The following DPY19L4 variants were observed in gnomAD, a reference collection of about 807,000 sequenced individuals.
DPY19L4 encodes the protein dpy-19 like 4, also known as probable C-mannosyltransferase DPY19L4.
In DPY19L4, 97 loss-of-function variants were observed where a neutral mutation model predicts 102.8. That is an observed-to-expected ratio of 0.94 (90% CI 0.80 to 1.12). The LOEUF is 1.12. Ranked by LOEUF, DPY19L4 falls within the 50% of genes most tolerant of loss-of-function variation. The probability of loss-of-function intolerance (pLI) is 0.00; values close to 1 mark genes in which losing one functional copy is unlikely to be tolerated. For synonymous variants in DPY19L4, 252 were observed against 283.1 expected, an observed-to-expected ratio of 0.89 and a Z score of 1.10; for missense variants, 815 against 850.4, an observed-to-expected ratio of 0.96 and a Z score of 0.52.
chr8:94,768,547 G>A lies in DPY19L4; in HGVS notation c.1328G>A (p.Arg443Lys), dbSNP rs968024401. The A allele has an allele frequency of 1.4e-6, 2 of 1,478,956 alleles. No homozygotes were observed. Among genetic ancestry groups the A allele is most frequent in the African/African-American group, 2.8e-5 (2 of 70,602 alleles). The allele number at this position is 1,478,956 out of a possible 1,614,324, so 91.6% of individuals were successfully genotyped here. ...TCTATGTTGCAAGTTATTTTTAGGA[G>A]GATTAAGTAAGTACCTATGAGAATC... Reference protein sequence around the residue: ...FLSMLQVIFRRINGKSLKETV... With the variant: ...FLSMLQVIFRKINGKSLKETV... Residue 443 changes from arginine (R) to lysine (K), a missense_variant, in exon 12 of 19, where the codon AGG becomes AAG. Physicochemically the swap from Arg to Lys is conservative, Grantham distance 26 (BLOSUM62 2). Transcript: ENST00000414645.
At chr8:94,746,157 G>T (rs1207391727) in intron 6 of DPY19L4, among the ~76,000 whole-genome samples, 1 of 148,914 alleles carries the variant, frequency 6.7e-6, no homozygotes, top group African/African-American at 2.5e-5. Context: ...CACCTCCTGG[G>T]TTTAAGTGAT....
chr8:94,724,829 C>G (rs984186005), intron 1 of DPY19L4, among the ~76,000 whole-genome samples: 2 of 152,184 alleles, frequency 1.3e-5, no homozygotes, highest in African/African-American at 4.8e-5. Context: ...TTCAGGTGAT[C>G]CACCCACCTT....
chr8:94,735,825 C>T (rs1244578698), intron 3 of DPY19L4, among the ~76,000 whole-genome samples: 1 of 152,176 alleles, frequency 6.6e-6, no homozygotes, highest in Non-Finnish European at 1.5e-5. Context: ...CCAGGTGTTT[C>T]ATATACCCAG....
At chr8:94,745,298 A>G (rs1333062417) in intron 6 of DPY19L4, among the ~76,000 whole-genome samples, 1 of 151,960 alleles carries the variant, frequency 6.6e-6, no homozygotes, top group Admixed American at 6.6e-5. Flanking sequence ...ATGGACTGAC[A>G]GAGTCCAGGT....
chr8:94,779,095 C>G (rs1813313508), intron 14 of DPY19L4, among the ~76,000 whole-genome samples: 1 of 152,012 alleles, frequency 6.6e-6, no homozygotes, highest in African/African-American at 2.4e-5. Context: ...AGACTTCAGT[C>G]ACAGAGGAGG....
chr8:94,782,930 T>C (rs1813495319), intron 16 of DPY19L4, among the ~76,000 whole-genome samples: 1 of 152,254 alleles, frequency 6.6e-6, no homozygotes, highest in African/African-American at 2.4e-5. Flanking sequence ...ACCTATTGAA[T>C]ATTTATGTTA....
chr8:94,726,926 G>A (rs148763565), intron 2 of DPY19L4, among the ~76,000 whole-genome samples: 11 of 152,230 alleles, frequency 7.2e-5, no homozygotes, highest in Non-Finnish European at 1.5e-4. Flanking sequence ...AAATAGTTGT[G>A]AATAATAATA....
chr8:94,775,794 C>T (rs1271089194), intron 13 of DPY19L4, among the ~76,000 whole-genome samples: 2 of 152,092 alleles, frequency 1.3e-5, no homozygotes, highest in Non-Finnish European at 2.9e-5. Flanking sequence ...CAAAAGTTAT[C>T]CCTTGAAATG....
chr8:94,749,467 C>G (rs1255436394), intron 6 of DPY19L4, among the ~76,000 whole-genome samples: 1 of 152,166 alleles, frequency 6.6e-6, no homozygotes, highest in African/African-American at 2.4e-5. Context: ...CATTTATAAC[C>G]TTTACATCCT....
chr8:94,760,368 G>A (rs1330203543), intron 7 of DPY19L4, among the ~76,000 whole-genome samples: 2 of 152,176 alleles, frequency 1.3e-5, no homozygotes, highest in Admixed American at 6.5e-5. Flanking sequence ...TTTGTTCCAC[G>A]TTAGAAGGCT....
intron 5 of DPY19L4, 28 bp from the exon 6 acceptor site, chr8:94,739,617 T>G: frequency 6.2e-7 from 1 of 1,611,836 alleles, no homozygotes; most frequent in Non-Finnish European, 8.5e-7. Flanking sequence ...TCCTATTGTC[T>G]TGTTCTCTTT....
At position 94,765,167 on chromosome 8, in the gene DPY19L4, AT is replaced by A; in HGVS notation, c.871-11del. On this transcript the variant is annotated splice_polypyrimidine_tract_variant and intron_variant, in intron 8 of 18. Coordinates refer to ENST00000414645, the MANE Select transcript of DPY19L4 (RefSeq NM_181787.3). The stretch of plus-strand genomic sequence containing the variant: ...AATATAACTTATTCTCACTTATTTT[AT>A]TTTTGTCACAACAGGTTTATGAAGT... 1 of 1,409,906 alleles carries A rather than the reference AT, an allele frequency of 7.1e-7. No individual in the cohort carries two copies. The highest frequency in any genetic ancestry group is 9.8e-7 in the Non-Finnish European group (1 of 1,023,150). 87.3% of individuals were successfully genotyped at this position (1,409,906 alleles called of 1,614,324 possible). A position where few individuals can be genotyped will look rare whatever the true frequency, so the allele number is the denominator to read the frequency against.
At chr8:94,724,220 C>G (rs1433007063) in intron 1 of DPY19L4, among the ~76,000 whole-genome samples, 4 of 152,162 alleles carry the variant, frequency 2.6e-5, no homozygotes, top group Non-Finnish European at 4.4e-5. Flanking sequence ...TTGACTATCT[C>G]AATAGATTTG....
At chr8:94,786,376 C>T (rs185613874) in intron 17 of DPY19L4, among the ~76,000 whole-genome samples, 1 of 152,104 alleles carries the variant, frequency 6.6e-6, no homozygotes, top group Admixed American at 6.5e-5. Flanking sequence ...CCGCCTACCC[C>T]TGCCTCCCAA....
intron 7 of DPY19L4, among the ~76,000 whole-genome samples, chr8:94,757,900 C>A (rs1317483826): frequency 6.6e-6 from 1 of 152,014 alleles, no homozygotes; most frequent in Non-Finnish European, 1.5e-5. Flanking sequence ...CACCTGAGGT[C>A]AGGAGTTCGA....
chr8:94,747,283 G>A (rs994549275), intron 6 of DPY19L4, among the ~76,000 whole-genome samples: 3 of 151,806 alleles, frequency 2.0e-5, no homozygotes, highest in African/African-American at 7.3e-5. Context: ...GAACTCCTGG[G>A]CTCAAGCGAT....
At chr8:94,734,810 T>C in intron 3 of DPY19L4, 56 bp downstream of exon 3, 1 of 1,607,038 alleles carries the variant, frequency 6.2e-7, no homozygotes, top group South Asian at 1.1e-5. Flanking sequence ...AACCAGAATG[T>C]ATGTATGATA....
At chr8:94,787,673 A>G (rs1195165359) in intron 17 of DPY19L4, among the ~76,000 whole-genome samples, 1 of 152,116 alleles carries the variant, frequency 6.6e-6, no homozygotes, top group East Asian at 1.9e-4. Context: ...ATAAGTTCAG[A>G]AAAATTATAG....
chr8:94,743,726 C>T (rs1221153860), intron 6 of DPY19L4, among the ~76,000 whole-genome samples: 2 of 152,164 alleles, frequency 1.3e-5, no homozygotes, highest in Non-Finnish European at 2.9e-5. Context: ...GCTTTCTTGG[C>T]TGCGTGCAGT....
Sources: gnomAD v4.1 joint callset for allele counts (sites outside exome capture counted in the v4.1 genomes callset) on GRCh38, gnomAD v4.1.1 for gene constraint, MANE v1.5 for transcripts, NCBI Gene and HGNC (gene_info 2026-07-23, HGNC 2026-07-21) for gene names.